The following TULP4 variants were observed in gnomAD, a reference collection of about 807,000 sequenced individuals.
TULP4 encodes TUB like protein 4.
TULP4 carries 16 observed loss-of-function variants against 129.0 expected under a neutral mutation model. The ratio of observed to expected loss-of-function variants is 0.12; its 90% CI spans 0.08 to 0.19. The LOEUF is 0.19. Ranked by LOEUF, TULP4 falls within the 10% of genes least tolerant of loss-of-function variation. The pLI is 1.00. For synonymous variants in TULP4, 998 were observed against 854.0 expected (o/e 1.17, Z -2.94); for missense variants, 1,842 against 2,059.1 (o/e 0.89, Z 2.04).
At chr6:158,354,632 C>T (rs1198022293) in intron 1 of TULP4, among the ~76,000 whole-genome samples, 1 of 152,096 alleles carries the variant, frequency 6.6e-6, no homozygotes, top group Non-Finnish European at 1.5e-5. Flanking sequence ...GTGGCTCATG[C>T]CTGTAGTCCC....
chr6:158,259,628 C>G (rs1778313520), intron 1 of TULP4, among the ~76,000 whole-genome samples: 1 of 152,188 alleles, frequency 6.6e-6, no homozygotes, highest in Non-Finnish European at 1.5e-5. Context: ...CTTGGTGTCA[C>G]TTCAACTCGG....
chr6:158,346,923 A>T (rs558919938), intron 1 of TULP4, among the ~76,000 whole-genome samples: 1 of 152,334 alleles, frequency 6.6e-6, no homozygotes, highest in Non-Finnish European at 1.5e-5. Flanking sequence ...TGGATGAAAG[A>T]TGTGACCATA....
chr6:158,317,774 A>G (rs934395695), intron 1 of TULP4, among the ~76,000 whole-genome samples: 2 of 152,190 alleles, frequency 1.3e-5, no homozygotes, highest in African/African-American at 2.4e-5. Context: ...ACTCCCACCA[A>G]CAGTGTAAAA....
upstream of TULP4, among the ~76,000 whole-genome samples, chr6:158,280,871 C>T (rs777744833): frequency 7.9e-5 from 12 of 152,164 alleles, no homozygotes; most frequent in Admixed American, 1.3e-4. Context: ...AGTGTTTGCA[C>T]AGTGAATGAA....
intron 8 of TULP4, among the ~76,000 whole-genome samples, chr6:158,483,892 A>G (rs1482803337): frequency 1.3e-5 from 2 of 150,614 alleles, no homozygotes; most frequent in Non-Finnish European, 3.0e-5. Context: ...ACCAGTGTGT[A>G]TTTTTATACC....
At chr6:158,444,138 T>G (rs1025877761) in intron 3 of TULP4, among the ~76,000 whole-genome samples, 16 of 128,518 alleles carry the variant, frequency 1.2e-4, no homozygotes, top group Non-Finnish European at 2.3e-4. Flanking sequence ...GAGAATGGCA[T>G]GAACCTGGGA....
At chr6:158,233,001 C>T (rs1003337893) in intron 1 of TULP4, among the ~76,000 whole-genome samples, 1 of 152,254 alleles carries the variant, frequency 6.6e-6, no homozygotes, top group Non-Finnish European at 1.5e-5. Context: ...ATGCGCTCCA[C>T]AACGCAGAGC....
rs536877214 is a variant in TULP4 at position 158,479,900 on chromosome 6, C to T, written c.1176C>T (p.Asp392=). The change falls in exon 7 of 14, where the codon GAC becomes GAT. Residue 392 remains aspartate, a synonymous_variant. Transcript: ENST00000367097. ...QQAIASTLRE[D]KDVSKLTLPP... is the part of the protein sequence containing the mutation. ...CCATCGCCAGCACCTTGCGTGAGGA[C>T]AAGGACGTCAGCAAGCTGACTCTGC... 1.2e-5 allele frequency: 19 copies of T among 1,613,016 alleles called. No individual in the cohort carries two copies. Among genetic ancestry groups the T allele is most frequent in the Non-Finnish European group, 1.6e-5 (19 of 1,180,028 alleles).
chr6:158,252,564 C>T (rs775179874), intron 1 of TULP4, among the ~76,000 whole-genome samples: 7 of 151,906 alleles, frequency 4.6e-5, no homozygotes, highest in South Asian at 2.1e-4. Context: ...TCGGTAGAGA[C>T]GAGGTTTCAC....
In TULP4 at chr6:158,240,714, C is replaced by T. The variant is rs1389293668; in HGVS notation, n.68+8411C>T. On this transcript the variant is annotated intron_variant and non_coding_transcript_variant, in intron 1 of 1. Transcript: ENST00000620026. ...GCGGGGGGCTGACCCCCCCCACCTC[C>T]CTCCCGGACGGGGCGGCTGGCCGGG... Among the ~76,000 whole-genome samples the T allele has an allele frequency of 1.4e-3, 177 of 127,730 alleles. 8 individuals carry two copies. Among genetic ancestry groups the T allele is most frequent in the African/African-American group, 4.3e-3 (164 of 38,490 alleles). 83.8% of individuals were successfully genotyped at this position (127,730 alleles called of 152,430 possible).
intron 1 of TULP4, among the ~76,000 whole-genome samples, chr6:158,333,068 T>C (rs552393404): frequency 5.7e-4 from 87 of 152,286 alleles, no homozygotes; most frequent in African/African-American, 2.0e-3. Flanking sequence ...CCTTCTTCCA[T>C]AGTTTGCTTA....
intron 1 of TULP4, among the ~76,000 whole-genome samples, chr6:158,273,290 C>T (rs1439911085): frequency 1.3e-5 from 2 of 152,070 alleles, no homozygotes; most frequent in Middle Eastern, 3.2e-3. Flanking sequence ...TGTTGGTTTC[C>T]TCCTCCCTGT....
intron 1 of TULP4, among the ~76,000 whole-genome samples, chr6:158,365,899 C>CTTTTTTTTTTTTTTTTTTTTTTTTTTTTT (rs5881257): frequency 1.2e-4 from 7 of 57,558 alleles, no homozygotes; most frequent in Admixed American, 3.1e-4. Context: ...CTTTTTCTTT[C>CTTTTTTTTTTTTTTTTTTTTTTTTTTTTT]TTTTTTTTTT....
Position 158,498,915 on chromosome 6 carries a change from G to A in TULP4, c.2014+103G>A, listed in dbSNP as rs1780387803. The stretch of plus-strand genomic sequence containing the variant: ...GTTGAGGATTTCAGTCTGCTACCTG[G>A]GTTTGGAAAAGGTATCCCTGCCTCA... On this transcript the variant is annotated intron_variant, in intron 12 of 13. Transcript: ENST00000367097. The A allele has an allele frequency of 3.4e-6, 5 of 1,453,070 alleles. No homozygotes were observed. In the South Asian group the frequency reaches 6.4e-5, roughly 19 times the overall value. The allele number at this position is 1,453,070 out of a possible 1,614,324, so 90.0% of individuals were successfully genotyped here. A position where few individuals can be genotyped will look rare whatever the true frequency, so the allele number is the denominator to read the frequency against.
upstream of TULP4, among the ~76,000 whole-genome samples, chr6:158,307,989 T>C (rs1779246683): frequency 6.6e-6 from 1 of 151,950 alleles, no homozygotes; most frequent in African/African-American, 2.4e-5. Flanking sequence ...AGCTCAGTTT[T>C]TCTTTTCTTT....
intron 11 of TULP4, among the ~76,000 whole-genome samples, 179 bp downstream of exon 11, chr6:158,495,025 C>T: frequency 6.6e-6 from 1 of 152,148 alleles, no homozygotes; most frequent in East Asian, 1.9e-4. Flanking sequence ...AATTCTCACT[C>T]ACATTGGCTT....
At chr6:158,386,278 A>T (rs533191223) in intron 1 of TULP4, among the ~76,000 whole-genome samples, 1 of 152,262 alleles carries the variant, frequency 6.6e-6, no homozygotes, top group South Asian at 2.1e-4. Flanking sequence ...TACAAATTTC[A>T]GGTAAGGTTG....
At chr6:158,335,888 A>G (rs1780021438) in intron 1 of TULP4, among the ~76,000 whole-genome samples, 1 of 152,214 alleles carries the variant, frequency 6.6e-6, no homozygotes, top group South Asian at 2.1e-4. Context: ...GTATTTTGCA[A>G]TTACAGATAA....
intron 1 of TULP4, among the ~76,000 whole-genome samples, chr6:158,245,969 A>C (rs777551145): frequency 6.6e-6 from 1 of 151,448 alleles, no homozygotes; most frequent in Non-Finnish European, 1.5e-5. Flanking sequence ...ATAAGATTCA[A>C]ATTTCCTGGA....
Sources: allele counts gnomAD v4.1 joint callset (sites outside exome capture counted in the v4.1 genomes callset), GRCh38; gene constraint gnomAD v4.1.1; transcripts MANE v1.5; gene names NCBI Gene and HGNC (gene_info 2026-07-23, HGNC 2026-07-21).